Variants in EYS observed in about 807,000 individuals in gnomAD.
EYS encodes protein eyes shut homolog.
EYS carries 250 observed loss-of-function variants against 282.1 expected under a neutral mutation model. That is an observed-to-expected ratio of 0.89 (90% CI 0.80 to 0.98). The LOEUF (loss-of-function observed/expected upper bound fraction) is 0.98, where lower values mean the gene tolerates loss of function less well. Ranked by LOEUF, EYS falls within the 50% of genes least tolerant of loss-of-function variation. The probability of loss-of-function intolerance (pLI) is 0.00; values close to 1 mark genes in which losing one functional copy is unlikely to be tolerated. For synonymous variants in EYS, 1,355 were observed against 1,282.9 expected, an observed-to-expected ratio of 1.06 and a Z score of -1.20; for missense variants, 4,016 against 3,709.0, an observed-to-expected ratio of 1.08 and a Z score of -2.15.
At position 64,050,899 on chromosome 6, in the gene EYS, A is replaced by G. The variant is rs557175839; in HGVS notation, c.6725+15439T>C. Among the ~76,000 whole-genome samples the G allele has an allele frequency of 1.7e-4, 26 of 152,322 alleles. No homozygotes were observed. In the South Asian group the frequency reaches 4.6e-3, roughly 27 times the overall value. ...AGACATACGGACTTAGCTGGCTAAAATCACAATCTGAATGATCTGAATATT... is the reference window on the plus strand; with the variant it reads ...AGACATACGGACTTAGCTGGCTAAAGTCACAATCTGAATGATCTGAATATT... On this transcript the variant is annotated intron_variant, in intron 33 of 42. Transcript: ENST00000503581.
chr6:65,098,219 C>G (rs1774795269), intron 12 of EYS, among the ~76,000 whole-genome samples: 1 of 150,476 alleles, frequency 6.6e-6, no homozygotes, highest in Non-Finnish European at 1.5e-5. Context: ...AGAATTGCCT[C>G]TGTTTAGAGA....
intron 31 of EYS, among the ~76,000 whole-genome samples, chr6:64,145,126 T>C (rs1420718829): frequency 1.3e-5 from 2 of 152,170 alleles, no homozygotes; most frequent in Non-Finnish European, 2.9e-5. Context: ...GCATGATTAT[T>C]TTACAGAATG....
chr6:64,728,204 G>GA (rs1261201017), intron 22 of EYS, among the ~76,000 whole-genome samples: 1 of 152,132 alleles, frequency 6.6e-6, no homozygotes, highest in Non-Finnish European at 1.5e-5. Context: ...GAGTACCCAT[G>GA]ACCCCTGAAG....
intron 36 of EYS, among the ~76,000 whole-genome samples, chr6:63,846,478 G>C (rs568709342): frequency 1.3e-5 from 2 of 152,150 alleles, no homozygotes; most frequent in Non-Finnish European, 2.9e-5. Context: ...AACAAAAAAA[G>C]ATGAGATTCA....
intron 19 of EYS, among the ~76,000 whole-genome samples, chr6:64,835,652 A>C (rs558367570): frequency 1.3e-5 from 2 of 151,840 alleles, no homozygotes; most frequent in African/African-American, 4.8e-5. Context: ...ACAGGATAAT[A>C]TACAACCTCT....
intron 19 of EYS, among the ~76,000 whole-genome samples, chr6:64,865,551 A>G (rs1449208955): frequency 6.6e-6 from 1 of 152,156 alleles, no homozygotes; most frequent in Non-Finnish European, 1.5e-5. Flanking sequence ...ATATATTGAA[A>G]AAGTTGTCAG....
At chr6:64,512,929 T>TA (rs1422941015) in intron 26 of EYS, among the ~76,000 whole-genome samples, 2 of 151,672 alleles carry the variant, frequency 1.3e-5, no homozygotes, top group Non-Finnish European at 2.9e-5. Flanking sequence ...TATTTTTAAT[T>TA]TTTTTCTGAA....
At chr6:64,790,240 T>A (rs1774149189) in intron 22 of EYS, among the ~76,000 whole-genome samples, 1 of 152,010 alleles carries the variant, frequency 6.6e-6, no homozygotes, top group African/African-American at 2.4e-5. Flanking sequence ...TCTTTAAATA[T>A]CTTTTCAAAT....
intron 35 of EYS, among the ~76,000 whole-genome samples, chr6:63,880,329 C>T (rs1773093233): frequency 6.6e-6 from 1 of 152,188 alleles, no homozygotes. Flanking sequence ...TGCCCTCAAA[C>T]ATCGGACTCC....
At chr6:65,519,993 C>T (rs1238730230) in intron 2 of EYS, among the ~76,000 whole-genome samples, 2 of 147,900 alleles carry the variant, frequency 1.4e-5, no homozygotes, top group Admixed American at 1.4e-4. Context: ...TAATTTTACT[C>T]TTTATAGATT....
chr6:64,082,669 A>C (rs1772012898), intron 31 of EYS, among the ~76,000 whole-genome samples: 1 of 152,126 alleles, frequency 6.6e-6, no homozygotes, highest in South Asian at 2.1e-4. Flanking sequence ...AATAATACTT[A>C]GTTATTTTAT....
intron 22 of EYS, among the ~76,000 whole-genome samples, chr6:64,767,587 T>G (rs1392947843): frequency 6.6e-6 from 1 of 152,184 alleles, no homozygotes; most frequent in East Asian, 1.9e-4. Flanking sequence ...CCTCCAGTTC[T>G]TTCCATATTG....
rs67505285 is a variant in EYS at position 65,120,460 on chromosome 6, C to CAAAAA, written c.2024-62738_2024-62734dup. ...ACATTACTCTTTTTCTTTAAATAAGCAAAAAAAAAAAAAAAAAAAAAAAAT... is the reference window on the plus strand; with the variant it reads ...ACATTACTCTTTTTCTTTAAATAAGCAAAAAAAAAAAAAAAAAAAAAAAAAAAAAT... On this transcript the variant is annotated intron_variant, in intron 12 of 42. Transcript: ENST00000503581. 2.0e-3 allele frequency among the ~76,000 whole-genome samples: 135 copies of CAAAAA among 68,254 alleles called. 6 individuals are homozygous for CAAAAA. Among genetic ancestry groups the CAAAAA allele is most frequent in the African/African-American group, 5.1e-3 (86 of 16,728 alleles). 44.8% of individuals were successfully genotyped at this position (68,254 alleles called of 152,430 possible).
At chr6:64,729,314 C>A (rs2149950714) in intron 22 of EYS, among the ~76,000 whole-genome samples, 1 of 152,242 alleles carries the variant, frequency 6.6e-6, no homozygotes, top group Middle Eastern at 3.4e-3. Flanking sequence ...AACAAGTATT[C>A]ACTTTCTATC....
At chr6:64,515,274 C>T (rs1308293671) in intron 26 of EYS, among the ~76,000 whole-genome samples, 2 of 151,552 alleles carry the variant, frequency 1.3e-5, no homozygotes, top group East Asian at 1.9e-4. Context: ...TATAACCTTA[C>T]TTTCTGTAAG....
At chr6:65,136,239 G>A (rs1172795642) in intron 12 of EYS, among the ~76,000 whole-genome samples, 1 of 151,920 alleles carries the variant, frequency 6.6e-6, no homozygotes, top group Non-Finnish European at 1.5e-5. Flanking sequence ...AGGGATATGT[G>A]TAAATTGGAT....
chr6:64,999,279 T>C (rs1057322133), intron 13 of EYS, among the ~76,000 whole-genome samples: 3 of 152,208 alleles, frequency 2.0e-5, no homozygotes, highest in Admixed American at 6.5e-5. Context: ...AGAGGGTTTT[T>C]CTCATATGTA....
At chr6:64,674,290 T>G (rs1191123292) in intron 22 of EYS, among the ~76,000 whole-genome samples, 7 of 152,084 alleles carry the variant, frequency 4.6e-5, no homozygotes, top group Non-Finnish European at 1.0e-4. Flanking sequence ...GTTCAATAGG[T>G]GCTCTGAGAA....
chr6:64,083,532 G>A (rs1772046538), intron 31 of EYS, among the ~76,000 whole-genome samples: 1 of 152,110 alleles, frequency 6.6e-6, no homozygotes, highest in South Asian at 2.1e-4. Context: ...TGAATGGGGA[G>A]AAAGTAAGGT....
Sources: gnomAD v4.1 joint callset for allele counts (sites outside exome capture counted in the v4.1 genomes callset) on GRCh38, gnomAD v4.1.1 for gene constraint, MANE v1.5 for transcripts, NCBI Gene and HGNC (gene_info 2026-07-23, HGNC 2026-07-21) for gene names.